Variants in C4orf36 observed in about 807,000 individuals in gnomAD.
C4orf36 encodes uncharacterized protein C4orf36.
Under a neutral mutation model 12.2 loss-of-function variants are expected in C4orf36, and 11 were observed. The ratio of observed to expected loss-of-function variants is 0.90; its 90% CI spans 0.57 to 1.49. The LOEUF is 1.49. Ranked by LOEUF, C4orf36 falls within the 40% of genes most tolerant of loss-of-function variation. C4orf36 has a pLI of 0.00. For synonymous variants in C4orf36, 54 were observed against 51.3 expected (o/e 1.05, Z -0.22); for missense variants, 137 against 133.9 (o/e 1.02, Z -0.11).
the C4orf36 span, among the ~76,000 whole-genome samples, chr4:86,930,323 T>C: frequency 2.0e-5 from 3 of 152,278 alleles, no homozygotes; most frequent in Non-Finnish European, 2.9e-5. Flanking sequence ...AGACACTAGT[T>C]GAAACACTTA....
upstream of C4orf36, chr4:86,892,531 C>G (rs1296457660): frequency 2.2e-6 from 2 of 916,114 alleles, no homozygotes; most frequent in Non-Finnish European, 2.6e-6. Flanking sequence ...GGGGTCCGCT[C>G]TCTGGTAACC....
At chr4:86,908,332 G>A in the C4orf36 span, among the ~76,000 whole-genome samples, 2 of 152,008 alleles carry the variant, frequency 1.3e-5, no homozygotes, top group Non-Finnish European at 2.9e-5. Context: ...GTGAACTGCT[G>A]AGTAGATTTG....
At position 86,888,125 on chromosome 4, in the gene C4orf36, T is replaced by C. The variant is rs1354223051; in HGVS notation, c.216A>G (p.Ala72=). The change falls in exon 3 of 5, where the codon GCA becomes GCG. Residue 72 remains alanine, a synonymous_variant. Coordinates refer to ENST00000295898, the MANE Select transcript of C4orf36 (RefSeq NM_144645.4). ...AGCAGAACTTAAGGAACTTACATTCTGCAGAAGGGAGCAGTCCATCTTTAA... is the reference window on the plus strand; with the variant it reads ...AGCAGAACTTAAGGAACTTACATTCCGCAGAAGGGAGCAGTCCATCTTTAA... ...TTIKDGLLPS[A]ESIKLEREYE... is the part of the protein sequence containing the mutation. 2 of 1,611,384 alleles carry C rather than the reference T, an allele frequency of 1.2e-6. No homozygotes were observed. Among genetic ancestry groups the C allele is most frequent in the South Asian group, 1.1e-5 (1 of 90,268 alleles).
At chr4:86,888,763 T>C (rs1482285617) in intron 2 of C4orf36, among the ~76,000 whole-genome samples, 10 of 152,228 alleles carry the variant, frequency 6.6e-5, no homozygotes, top group Non-Finnish European at 4.4e-5. Flanking sequence ...CTCTTTCACC[T>C]AATTCTGAAA....
the C4orf36 span, among the ~76,000 whole-genome samples, chr4:86,917,476 TAAAG>T: frequency 8.1e-3 from 1,000 of 123,014 alleles, 9 homozygotes; most frequent in African/African-American, 0.021. Flanking sequence ...AAGAAAGAAA[TAAAG>T]AAAAAGAAAG....
chr4:86,884,430 G>A (rs1344657178), intron 4 of C4orf36, among the ~76,000 whole-genome samples: 1 of 151,256 alleles, frequency 6.6e-6, no homozygotes, highest in African/African-American at 2.4e-5. Context: ...TCAGCCTCCT[G>A]AGTAGCTGGG....
the C4orf36 span, among the ~76,000 whole-genome samples, chr4:86,908,959 C>A: frequency 6.6e-6 from 1 of 152,094 alleles, no homozygotes; most frequent in African/African-American, 2.4e-5. Flanking sequence ...GGAGGAAGTG[C>A]TTGTACTTGG....
the C4orf36 span, among the ~76,000 whole-genome samples, chr4:86,924,087 T>C: frequency 6.6e-6 from 1 of 152,106 alleles, no homozygotes; most frequent in African/African-American, 2.4e-5. Context: ...GTTGCCTAGG[T>C]TGGAGTGCAG....
chr4:86,903,303 A>T, the C4orf36 span, among the ~76,000 whole-genome samples: 1 of 152,226 alleles, frequency 6.6e-6, no homozygotes, highest in Non-Finnish European at 1.5e-5. Flanking sequence ...CGAGGTCAAG[A>T]GATCGAGACC....
chr4:86,877,049 A>C (rs533526588), intron 4 of C4orf36, among the ~76,000 whole-genome samples: 6 of 152,236 alleles, frequency 3.9e-5, no homozygotes, highest in Non-Finnish European at 8.8e-5. Flanking sequence ...CAGTAACCCT[A>C]AAAAGAAAGA....
At chr4:86,896,464 C>T (rs114853534), upstream of C4orf36, among the ~76,000 whole-genome samples, 1,034 of 152,264 alleles carry the variant, frequency 6.8e-3, 5 homozygotes, top group South Asian at 0.033. Flanking sequence ...AGTAATGACA[C>T]CAATTCTAGG....
At position 86,891,530 on chromosome 4, in the gene C4orf36, T is replaced by C; in HGVS notation, c.-10A>G. The C allele has an allele frequency of 1.2e-6, 2 of 1,614,080 alleles. No homozygotes were observed. Among genetic ancestry groups the C allele is most frequent in the East Asian group, 2.2e-5 (1 of 44,874 alleles). On this transcript the variant is annotated 5_prime_UTR_variant, in exon 2 of 5. Transcript: ENST00000295898. ...GCACTCCATACGCCATGGTGAGTTA[T>C]TACGGTATGATTTCGTTACATAGGT...
At chr4:86,923,769 A>T in the C4orf36 span, among the ~76,000 whole-genome samples, 1 of 151,946 alleles carries the variant, frequency 6.6e-6, no homozygotes, top group Non-Finnish European at 1.5e-5. Context: ...GTCTCAAAAA[A>T]AAAAAAAAAA....
At chr4:86,885,256 G>A (rs1164994330) in intron 4 of C4orf36, among the ~76,000 whole-genome samples, 1 of 152,066 alleles carries the variant, frequency 6.6e-6, no homozygotes, top group African/African-American at 2.4e-5. Flanking sequence ...TAGCTTGATG[G>A]GGATGGCATT....
the C4orf36 span, chr4:86,934,930 G>C: frequency 6.6e-6 from 1 of 152,082 alleles, no homozygotes; most frequent in South Asian, 2.1e-4. Flanking sequence ...ACCGCAGCTC[G>C]GGAGGTGGGG....
chr4:86,891,517 C>T lies in C4orf36; in HGVS notation c.4G>A (p.Ala2Thr). 4 of 1,614,032 alleles carry T rather than the reference C, an allele frequency of 2.5e-6. No individual in the cohort carries two copies. The highest frequency in any genetic ancestry group is 3.4e-6 in the Non-Finnish European group (4 of 1,179,960). ...GTGTTCTTTCTTGGCACTCCATACGCCATGGTGAGTTATTACGGTATGATT... is the reference window on the plus strand; with the variant it reads ...GTGTTCTTTCTTGGCACTCCATACGTCATGGTGAGTTATTACGGTATGATT... M[A>T]YGVPRKNTVK... is the part of the protein sequence containing the mutation. The change falls in exon 2 of 5, where the codon GCG becomes ACG. Residue 2 changes from alanine to threonine, a missense_variant. By Grantham distance (58) the Ala-to-Thr change is moderately conservative (BLOSUM62 0). Transcript: ENST00000295898.
chr4:86,886,511 A>T (rs1038924325), intron 4 of C4orf36: 6 of 152,260 alleles, frequency 3.9e-5, no homozygotes, highest in African/African-American at 1.4e-4. Flanking sequence ...CACATGAAAA[A>T]ATGTGCATCA....
upstream of C4orf36, among the ~76,000 whole-genome samples, chr4:86,893,460 C>G (rs1345203193): frequency 6.6e-6 from 1 of 152,060 alleles, no homozygotes; most frequent in Non-Finnish European, 1.5e-5. Flanking sequence ...GTGGCGCGCG[C>G]CTGTCGTCCC....
At chr4:86,912,910 CTT>C in the C4orf36 span, among the ~76,000 whole-genome samples, 1 of 141,398 alleles carries the variant, frequency 7.1e-6, no homozygotes, top group African/African-American at 2.6e-5. Flanking sequence ...TTTCGCTTTT[CTT>C]TTTTTTTTTT....
Sources: gnomAD v4.1 joint callset for allele counts (sites outside exome capture counted in the v4.1 genomes callset) on GRCh38, gnomAD v4.1.1 for gene constraint, MANE v1.5 for transcripts, NCBI Gene and HGNC (gene_info 2026-07-23, HGNC 2026-07-21) for gene names.